The following UGT1A7 variants were observed in gnomAD, a reference collection of about 807,000 sequenced individuals.
UGT1A7 encodes UDP-glucuronosyltransferase 1A7.
A neutral mutation model predicts 45.6 loss-of-function variants in UGT1A7; 33 were observed. The observed-to-expected ratio is 0.72, with a 90% confidence interval of 0.55 to 0.97. The LOEUF is 0.97. Among genes scored for constraint, UGT1A7 ranks in the 50% least tolerant of loss-of-function variants. UGT1A7 has a pLI of 0.00. For missense variants in UGT1A7, 684 were observed against 666.2 expected, an observed-to-expected ratio of 1.03 and a Z score of -0.29; for synonymous variants, 274 against 250.6, an observed-to-expected ratio of 1.09 and a Z score of -0.88.
intron 1 of UGT1A7, chr2:233,747,285 C>T: frequency 6.2e-7 from 1 of 1,601,074 alleles, no homozygotes. Flanking sequence ...GTGCCCAGCC[C>T]TGGGCTGAGA....
In UGT1A7 at chr2:233,682,749, T is replaced by C. The variant is rs372834137; in HGVS notation, c.812T>C (p.Phe271Ser). The part of the protein sequence containing the change: ...YPKPVMPNMI[F>S]IGGINCHQGK... ...AAACCCGTGATGCCCAATATGATCT[T>C]CATTGGTGGTATCAACTGTCATCAG... The change falls in exon 1 of 5, where the codon TTC (phenylalanine) becomes TCC (serine). Residue 271 changes from phenylalanine to serine, a missense_variant. Phe to Ser is a radical substitution (Grantham distance 155). Transcript: ENST00000373426. 8.4e-5 allele frequency: 136 copies of C among 1,613,808 alleles called. No individual in the cohort carries two copies. The highest frequency in any genetic ancestry group is 1.1e-4 in the Non-Finnish European group (128 of 1,179,834).
At chr2:233,744,167 C>T (rs571958396) in intron 1 of UGT1A7, among the ~76,000 whole-genome samples, 8 of 151,954 alleles carry the variant, frequency 5.3e-5, no homozygotes, top group South Asian at 4.1e-4. Flanking sequence ...CCGCCCACTC[C>T]GGCCTCCAAC....
At chr2:233,711,107 C>T (rs1170394278) in intron 1 of UGT1A7, among the ~76,000 whole-genome samples, 1 of 152,202 alleles carries the variant, frequency 6.6e-6, no homozygotes, top group Non-Finnish European at 1.5e-5. Flanking sequence ...GCCCAGACCC[C>T]TCCTCATCTC....
intron 1 of UGT1A7, among the ~76,000 whole-genome samples, chr2:233,688,668 C>T (rs1348030404): frequency 1.3e-5 from 2 of 152,120 alleles, no homozygotes; most frequent in African/African-American, 4.8e-5. Flanking sequence ...GCAGCTGGCT[C>T]TTTTTTAAAA....
intron 1 of UGT1A7, chr2:233,750,580 C>T (rs1288266277): frequency 6.6e-6 from 1 of 151,936 alleles, no homozygotes; most frequent in African/African-American, 2.4e-5. Flanking sequence ...CCATCACAGG[C>T]CTGGAGGCCT....
chr2:233,732,561 G>A (rs1386480566), intron 1 of UGT1A7, among the ~76,000 whole-genome samples: 1 of 152,180 alleles, frequency 6.6e-6, no homozygotes, highest in African/African-American at 2.4e-5. Context: ...ATTAAATAAG[G>A]AATCCTTTCC....
chr2:233,709,597 G>A (rs4408722), intron 1 of UGT1A7, among the ~76,000 whole-genome samples: 1 of 152,134 alleles, frequency 6.6e-6, no homozygotes, highest in South Asian at 2.1e-4. Context: ...GGATGTGAAA[G>A]AAACATTATT....
At chr2:233,755,308 G>C in intron 1 of UGT1A7, 3 of 564,496 alleles carry the variant, frequency 5.3e-6, no homozygotes, top group Non-Finnish European at 8.4e-6. Flanking sequence ...CTGGCACAGC[G>C]AGCGGCAAGG....
intron 1 of UGT1A7, among the ~76,000 whole-genome samples, chr2:233,761,350 G>A (rs572501988): frequency 2.6e-5 from 4 of 152,266 alleles, no homozygotes; most frequent in South Asian, 2.1e-4. Context: ...CTGAGATTTC[G>A]GGAAAGCATT....
At chr2:233,717,004 T>C (rs549183573) in intron 1 of UGT1A7, among the ~76,000 whole-genome samples, 2 of 152,292 alleles carry the variant, frequency 1.3e-5, no homozygotes, top group East Asian at 1.9e-4. Context: ...AGGGCCCCTA[T>C]GTCTCTGAAG....
Position 233,695,130 on chromosome 2 carries a change from C to CTTTCTTTCTT in UGT1A7, c.855+12341_855+12342insCTTTCTTTTT, listed in dbSNP as rs1364557158. ...GCCCATTAACCAACCCTTTTCTTTTCTTTTTTTTTTTTTTGAGACAGAGTC... is the reference window on the plus strand; with the variant it reads ...GCCCATTAACCAACCCTTTTCTTTTCTTTCTTTCTTTTTTTTTTTTTTTTGAGACAGAGTC... On this transcript the variant is annotated intron_variant, in intron 1 of 4. Transcript: ENST00000373426. Among the ~76,000 whole-genome samples the CTTTCTTTCTT allele has an allele frequency of 1.3e-4, 18 of 138,838 alleles. 1 individual carries two copies. Among genetic ancestry groups the CTTTCTTTCTT allele is most frequent in the African/African-American group, 4.9e-4 (18 of 36,850 alleles). 91.1% of individuals were successfully genotyped at this position (138,838 alleles called of 152,430 possible). A position where few individuals can be genotyped will look rare whatever the true frequency, so the allele number is the denominator to read the frequency against.
Position 233,769,821 on chromosome 2 carries a change from C to A in UGT1A7, c.1295+1382C>A. The A allele has an allele frequency of 5.1e-6, 4 of 785,016 alleles. No individual in the cohort carries two copies. The highest frequency in any genetic ancestry group is 7.3e-6 in the Non-Finnish European group (4 of 547,448). 48.6% of individuals were successfully genotyped at this position (785,016 alleles called of 1,614,324 possible). A position where few individuals can be genotyped will look rare whatever the true frequency, so the allele number is the denominator to read the frequency against. On this transcript the variant is annotated intron_variant, in intron 4 of 4. Coordinates refer to ENST00000373426, the MANE Select transcript of UGT1A7 (RefSeq NM_019077.3). The surrounding 1 kb of genome is among the most constrained non-coding windows in gnomAD (Gnocchi z 4.4). ...TATGAGCCGTGATCATGCCACTGCA[C>A]TCCAGCAACCTGGGCAACAGAGTGA...
chr2:233,722,201 C>A (rs2076999629), intron 1 of UGT1A7: 1 of 154,184 alleles, frequency 6.5e-6, no homozygotes, highest in African/African-American at 2.4e-5. Flanking sequence ...TTACTGAGTG[C>A]ATGAAAGATC....
At chr2:233,682,879 A>C in intron 1 of UGT1A7, 87 bp downstream of exon 1, 3 of 1,512,746 alleles carry the variant, frequency 2.0e-6, no homozygotes, top group Admixed American at 2.2e-5. Flanking sequence ...TATCATTTAC[A>C]TTTGTCCCAT....
chr2:233,686,936 G>A (rs758142636), intron 1 of UGT1A7, among the ~76,000 whole-genome samples: 1 of 152,188 alleles, frequency 6.6e-6, no homozygotes, highest in Non-Finnish European at 1.5e-5. Flanking sequence ...GCTGACTCAT[G>A]CAGGGAAGCT....
intron 1 of UGT1A7, among the ~76,000 whole-genome samples, chr2:233,701,290 G>C (rs1052682506): frequency 2.0e-5 from 3 of 151,970 alleles, no homozygotes; most frequent in Non-Finnish European, 4.4e-5. Context: ...TTGAGGAATC[G>C]CCACACTGTC....
intron 1 of UGT1A7, among the ~76,000 whole-genome samples, chr2:233,727,549 C>T (rs1232390825): frequency 6.6e-6 from 1 of 152,198 alleles, no homozygotes; most frequent in Non-Finnish European, 1.5e-5. Context: ...CACCCGTCAC[C>T]TGGGCTCATC....
At chr2:233,691,053 A>T in intron 1 of UGT1A7, 1 of 988,134 alleles carries the variant, frequency 1.0e-6, no homozygotes, top group Admixed American at 6.0e-5. Context: ...AGCAGAGTGG[A>T]GGTCTAGTAT....
intron 1 of UGT1A7, among the ~76,000 whole-genome samples, chr2:233,720,278 T>G (rs1449886876): frequency 6.6e-6 from 1 of 151,854 alleles, no homozygotes; most frequent in Non-Finnish European, 1.5e-5. Flanking sequence ...CTGAGAAAAG[T>G]TTTTCTGACC....
Sources: allele counts gnomAD v4.1 joint callset (sites outside exome capture counted in the v4.1 genomes callset), GRCh38; gene constraint gnomAD v4.1.1; non-coding constraint Gnocchi (gnomAD v3.1); transcripts MANE v1.5; gene names NCBI Gene and HGNC (gene_info 2026-07-23, HGNC 2026-07-21).